The following MYPN variants were observed in gnomAD, a reference collection of about 807,000 sequenced individuals.
The protein encoded by MYPN is sarcomeric protein myopalladin, 145 kDa (MYOP).
In MYPN, 63 loss-of-function variants were observed where a neutral mutation model predicts 129.4. The ratio of observed to expected loss-of-function variants is 0.49; its 90% CI spans 0.40 to 0.60. The LOEUF (loss-of-function observed/expected upper bound fraction) is 0.60. Ranked by LOEUF, MYPN falls within the 20% of genes least tolerant of loss-of-function variation. The probability of loss-of-function intolerance (pLI) is 0.00; values close to 1 mark genes in which losing one functional copy is unlikely to be tolerated. For synonymous variants in MYPN, 629 were observed against 600.9 expected (o/e 1.05, Z -0.68); for missense variants, 1,596 against 1,635.4 (o/e 0.98, Z 0.42).
At position 68,122,141 on chromosome 10, in the gene MYPN, A is replaced by G; in HGVS notation, c.703A>G (p.Arg235Gly). ...CGCCCTGGAACAGCAGGAAGCCAAG[A>G]GGCGTGAAGCGGAGCAGGCTGCCAG... ...NHALEQQEAK[R>G]REAEQAASEA... The change falls in exon 2 of 20, where the codon AGG (arginine) becomes GGG (glycine). Residue 235 changes from arginine to glycine, a missense_variant. By Grantham distance (125) the Arg-to-Gly change is moderately radical (BLOSUM62 -2). Coordinates refer to ENST00000358913, the MANE Select transcript of MYPN (RefSeq NM_032578.4). 1 of 1,613,542 alleles carries G rather than the reference A, an allele frequency of 6.2e-7. No homozygotes were observed. The highest frequency in any genetic ancestry group is 2.2e-5 in the East Asian group (1 of 44,876).
chr10:68,155,035 G>A (rs1300737425), intron 6 of MYPN, among the ~76,000 whole-genome samples: 8 of 151,980 alleles, frequency 5.3e-5, no homozygotes, highest in Non-Finnish European at 1.2e-4. Context: ...ACAAAAATTA[G>A]CCGGGCATGG....
chr10:68,168,991 T>TAAAAA lies in MYPN; in HGVS notation c.1973+2350_1973+2354dup, dbSNP rs71009012. 8.3e-4 allele frequency among the ~76,000 whole-genome samples: 67 copies of TAAAAA among 80,320 alleles called. 3 individuals carry two copies. Among genetic ancestry groups the TAAAAA allele is most frequent in the African/African-American group, 4.0e-3 (65 of 16,074 alleles). The allele number at this position is 80,320 out of a possible 152,430, so 52.7% of individuals were successfully genotyped here. On this transcript the variant is annotated intron_variant, in intron 10 of 19. Transcript: ENST00000358913. ...TGGGCGACAGAATGAGATTATTTCTTAAAAAAAAAAAAAAAAAAAAAAAAA... is the reference window on the plus strand; with the variant it reads ...TGGGCGACAGAATGAGATTATTTCTTAAAAAAAAAAAAAAAAAAAAAAAAAAAAAA...
Position 68,163,079 on chromosome 10 carries a change from G to A in MYPN, c.1483+1327G>A, listed in dbSNP as rs528680678. On this transcript the variant is annotated intron_variant, in intron 8 of 19. Transcript: ENST00000358913. ...CAACACTTTGGTGGGAGGATTGCTT[G>A]AGCACATGAGTTAAAGACCAGCCTA... is the stretch of plus-strand genomic sequence containing the variant. 3.3e-5 allele frequency among the ~76,000 whole-genome samples: 5 copies of A among 152,264 alleles called. No homozygotes were observed. In the South Asian group the frequency reaches 8.3e-4, roughly 25 times the overall value.
At chr10:68,120,025 T>C (rs975430872) in intron 1 of MYPN, among the ~76,000 whole-genome samples, 1 of 152,228 alleles carries the variant, frequency 6.6e-6, no homozygotes, top group African/African-American at 2.4e-5. Context: ...TTATAGGATG[T>C]TAAAGCCAGA....
chr10:68,136,737 G>T (rs1333175427), intron 2 of MYPN: 1 of 1,534,736 alleles, frequency 6.5e-7, no homozygotes, highest in Admixed American at 2.0e-5. Flanking sequence ...TTTTGGTAAG[G>T]ACGAGAAATG....
Position 68,199,344 on chromosome 10 carries a change from C to T in MYPN, c.3286-24C>T, listed in dbSNP as rs540307644. The T allele has an allele frequency of 7.6e-5, 122 of 1,611,178 alleles. 4 individuals are homozygous for T. The South Asian group carries it at 1.3e-3, about 17-fold the overall frequency. On this transcript the variant is annotated intron_variant, in intron 16 of 19. Transcript: ENST00000358913. The stretch of plus-strand genomic sequence containing the variant: ...AATGTGCCTGTCATCAGTCATGTGC[C>T]TCAGCTGTTCTGTTGTTTATTAGGT...
chr10:68,088,656 A>T (rs2041917564), intron 1 of MYPN, among the ~76,000 whole-genome samples: 1 of 152,178 alleles, frequency 6.6e-6, no homozygotes, highest in Non-Finnish European at 1.5e-5. Flanking sequence ...AATGGTAAAA[A>T]CCTTCCAGTG....
rs146049213 is a variant in MYPN, at chr10:68,195,841, T to G, written c.3158+309T>G. Among the ~76,000 whole-genome samples the G allele has an allele frequency of 2.5e-3, 376 of 152,260 alleles. 1 individual carries two copies. Among genetic ancestry groups the G allele is most frequent in the African/African-American group, 8.8e-3 (367 of 41,566 alleles). ...TTTTAGAGACAGGGTCTCACTTTGT[T>G]GCCCAGGCTGGAGTGCAGTCGTGTG... On this transcript the variant is annotated intron_variant, in intron 15 of 19. Transcript: ENST00000358913.
intron 2 of MYPN, 107 bp from the exon 3 acceptor site, chr10:68,142,833 T>C (rs1178975600): frequency 1.9e-6 from 2 of 1,080,894 alleles, no homozygotes; most frequent in Non-Finnish European, 2.9e-6. Flanking sequence ...TTTTTGTTGT[T>C]GTTGTTCTGA....
chr10:68,130,779 T>C (rs914585366), intron 2 of MYPN, among the ~76,000 whole-genome samples: 2 of 152,310 alleles, frequency 1.3e-5, no homozygotes. Flanking sequence ...CATTTAAGTT[T>C]TTAATCCACT....
At chr10:68,106,734 G>A (rs779833784), upstream of MYPN, 24 of 717,078 alleles carry the variant, frequency 3.3e-5, no homozygotes, top group South Asian at 1.3e-4. Flanking sequence ...CATGCTTACC[G>A]TCCAAGTGAA....
chr10:68,185,531 C>A (rs2043407242), intron 12 of MYPN, among the ~76,000 whole-genome samples: 1 of 152,040 alleles, frequency 6.6e-6, no homozygotes, highest in Non-Finnish European at 1.5e-5. Context: ...GGCACCCAGT[C>A]CACACCCCTC....
intron 7 of MYPN, 52 bp from the exon 8 acceptor site, chr10:68,161,677 T>C: frequency 6.9e-7 from 1 of 1,455,196 alleles, no homozygotes; most frequent in Non-Finnish European, 9.6e-7. Flanking sequence ...GATGAACATG[T>C]AGTTTCTCAG....
At chr10:68,132,635 A>G (rs1238030188) in intron 2 of MYPN, among the ~76,000 whole-genome samples, 1 of 152,212 alleles carries the variant, frequency 6.6e-6, no homozygotes, top group Non-Finnish European at 1.5e-5. Flanking sequence ...ACGAATGCCA[A>G]GATTTAAAGT....
intron 6 of MYPN, among the ~76,000 whole-genome samples, chr10:68,151,047 T>G (rs2042761455): frequency 6.6e-6 from 1 of 152,182 alleles, no homozygotes; most frequent in African/African-American, 2.4e-5. Flanking sequence ...GGAATGGTGC[T>G]AAACATCCCA....
At chr10:68,145,593 T>C in intron 4 of MYPN, 67 bp downstream of exon 4, 1 of 1,344,892 alleles carries the variant, frequency 7.4e-7, no homozygotes. Context: ...AAGAGAATGA[T>C]TAATTGGTTA....
At chr10:68,149,328 T>C (rs1435805964) in intron 5 of MYPN, among the ~76,000 whole-genome samples, 1 of 152,250 alleles carries the variant, frequency 6.6e-6, no homozygotes, top group Non-Finnish European at 1.5e-5. Context: ...TAGTGGGTAG[T>C]TCCAGGCATT....
In MYPN at chr10:68,206,596, CCCT is replaced by C. The variant is rs1285144414; in HGVS notation, c.3660-167_3660-165del. Among the ~76,000 whole-genome samples, 55 of 152,230 alleles carry C rather than the reference CCCT, an allele frequency of 3.6e-4. 1 individual carries two copies. Among genetic ancestry groups the C allele is most frequent in the African/African-American group, 1.3e-3 (55 of 41,520 alleles). On this transcript the variant is annotated intron_variant, in intron 18 of 19. Coordinates refer to ENST00000358913, the MANE Select transcript of MYPN (RefSeq NM_032578.4). The stretch of plus-strand genomic sequence containing the variant: ...ACAGCAGGTCTCAGCCCCAGCTGCC[CCCT>C]CCTCCTAGCATGATTAAGCTCACTG...
At chr10:68,189,215 G>GT in intron 13 of MYPN, 89 bp downstream of exon 13, 1 of 922,640 alleles carries the variant, frequency 1.1e-6, no homozygotes, top group South Asian at 1.4e-5. Flanking sequence ...TATACGCAAT[G>GT]TTTTTTCTTC....
Sources: gnomAD v4.1 joint callset for allele counts (sites outside exome capture counted in the v4.1 genomes callset) on GRCh38, gnomAD v4.1.1 for gene constraint, MANE v1.5 for transcripts, NCBI Gene and HGNC (gene_info 2026-07-23, HGNC 2026-07-21) for gene names.